Variants in ZIC5 observed in about 807,000 individuals in gnomAD.
The protein encoded by ZIC5 is Zic family zinc finger 5.
ZIC5 carries 20 observed loss-of-function variants against 28.5 expected under a neutral mutation model. The ratio of observed to expected loss-of-function variants is 0.70; its 90% CI spans 0.49 to 1.02. ZIC5 has a LOEUF of 1.02. ZIC5 is among the 50% of genes least tolerant of loss of function. The probability of loss-of-function intolerance (pLI) is 0.00; values close to 1 mark genes in which losing one functional copy is unlikely to be tolerated. For synonymous variants in ZIC5, 488 were observed against 410.4 expected, an observed-to-expected ratio of 1.19 and a Z score of -2.29; for missense variants, 951 against 899.7, an observed-to-expected ratio of 1.06 and a Z score of -0.73.
intron 1 of ZIC5, among the ~76,000 whole-genome samples, chr13:99,968,547 G>C (rs1387677951): frequency 2.6e-5 from 4 of 151,974 alleles, no homozygotes; most frequent in Non-Finnish European, 5.9e-5. Context: ...CGCAGCTCCC[G>C]GCAGCCGCCT....
In ZIC5 at chr13:99,963,448, G is replaced by A. The variant is rs1393953352; in HGVS notation, c.*1929C>T. The A allele has an allele frequency of 6.6e-6, 1 of 152,186 alleles. No homozygotes were observed. The highest frequency in any genetic ancestry group is 1.5e-5 in the Non-Finnish European group (1 of 67,950). The allele number at this position is 152,186 out of a possible 1,614,324, so 9.4% of individuals were successfully genotyped here. On this transcript the variant is annotated 3_prime_UTR_variant, in exon 2 of 2. Transcript: ENST00000267294. The stretch of plus-strand genomic sequence containing the variant: ...TAAGGTCTTTTTCTTTATAAAGGAG[G>A]GTCTGCATGTTTCATATTCATCACA...
chr13:99,970,450 A>G lies in ZIC5; in HGVS notation c.1154T>C (p.Leu385Pro), dbSNP rs1183250448. The G allele has an allele frequency of 1.8e-5, 19 of 1,039,088 alleles. No individual in the cohort carries two copies. The highest frequency in any genetic ancestry group is 7.1e-5 in the South Asian group (2 of 28,360). 64.4% of individuals were successfully genotyped at this position (1,039,088 alleles called of 1,614,324 possible). A position where few individuals can be genotyped will look rare whatever the true frequency, so the allele number is the denominator to read the frequency against. Residue 385 changes from leucine (L) to proline (P), a missense_variant, in exon 1 of 2, where the codon CTG becomes CCG. Leu to Pro is a moderately conservative substitution (Grantham distance 98). Around this residue, in one of 3 missense-constraint regions of ZIC5, gnomAD observed 784 missense variants for 660.1 expected, o/e 1.19. Coordinates refer to ENST00000267294, the MANE Select transcript of ZIC5 (RefSeq NM_033132.5). ...KWIDPDELAG[L>P]PPPPPPPPPP... ...CGGCGGCGGCGGCGGCGGCGGCGGC[A>G]GCCCGGCCAGCTCGTCGGGGTCGAT...
In ZIC5 at chr13:99,970,409, G is replaced by T. The variant is rs771701749; in HGVS notation, c.1195C>A (p.Pro399Thr). The T allele has an allele frequency of 3.3e-6, 4 of 1,207,616 alleles. No individual in the cohort carries two copies. In the East Asian group the frequency reaches 1.1e-4, roughly 34 times the overall value. 74.8% of individuals were successfully genotyped at this position (1,207,616 alleles called of 1,614,324 possible). ...PPPPPPPPPP[P>T]PAGGAKPCSK... is the part of the protein sequence containing the mutation. Reference sequence around the variant, plus strand: ...CAGGGCTTGGCGCCGCCGGCCGGGGGCGGTGGCGGCGGCGGCGGCGGCGGC... The same window carrying T: ...CAGGGCTTGGCGCCGCCGGCCGGGGTCGGTGGCGGCGGCGGCGGCGGCGGC... Residue 399 changes from proline to threonine, a missense_variant, in exon 1 of 2, where the codon CCC becomes ACC. Transcript: ENST00000267294.
chr13:99,970,463 C>T lies in ZIC5; in HGVS notation c.1141G>A (p.Glu381Lys), dbSNP rs199880269. 2.5e-3 allele frequency: 2,697 copies of T among 1,095,746 alleles called. 9 individuals carry two copies. The highest frequency in any genetic ancestry group is 4.1e-3 in the Middle Eastern group (10 of 2,446). The allele number at this position is 1,095,746 out of a possible 1,614,324, so 67.9% of individuals were successfully genotyped here. ...GGCGGCGGCGGCAGCCCGGCCAGCT[C>T]GTCGGGGTCGATCCACTTGCAGATG... The part of the protein sequence containing the change: ...ELICKWIDPD[E>K]LAGLPPPPPP... The change falls in exon 1 of 2, where the codon GAG (glutamate) becomes AAG (lysine). Residue 381 changes from glutamate to lysine, a missense_variant. Glu to Lys is a moderately conservative substitution (Grantham distance 56). Transcript: ENST00000267294.
rs375403333 is a variant in ZIC5, at chr13:99,971,516, T to A, written c.88A>T (p.Thr30Ser). ...TAQVQPLQNM[T>S]GFPALAGPPA... ...GGGCCGGCCAGCGCCGGGAAGCCTG[T>A]CATATTCTGAAGCGGCTGGACCTGA... Residue 30 changes from threonine to serine, a missense_variant, in exon 1 of 2, where the codon ACA (threonine) becomes TCA (serine). Thr to Ser is a moderately conservative substitution (Grantham distance 58). Coordinates refer to ENST00000267294, the MANE Select transcript of ZIC5 (RefSeq NM_033132.5). 15 of 1,551,664 alleles carry A rather than the reference T, an allele frequency of 9.7e-6. No homozygotes were observed. The highest frequency in any genetic ancestry group is 3.5e-6 in the Non-Finnish European group (4 of 1,147,126).
rs2053146000 is a variant in ZIC5, at chr13:99,970,607, G to A, written c.997C>T (p.Pro333Ser). 9.9e-7 allele frequency: 1 copy of A among 1,008,964 alleles called. No individual in the cohort carries two copies. Among genetic ancestry groups the A allele is most frequent in the Non-Finnish European group, 1.2e-6 (1 of 848,954 alleles). 62.5% of individuals were successfully genotyped at this position (1,008,964 alleles called of 1,614,324 possible). ...PGPHLQHHAP[P>S]PAPPPPPAPA... ...GCCGGCGGCGGCGGCGGCGCCGGGG[G>A]CGGCGCGTGGTGCTGCAGGTGGGGC... Residue 333 changes from proline (P) to serine (S), a missense_variant, in exon 1 of 2, where the codon CCC (proline) becomes TCC (serine). This residue lies in a region of ZIC5 where 784 missense variants were observed against 660.1 expected (regional missense o/e 1.19). Coordinates refer to ENST00000267294, the MANE Select transcript of ZIC5 (RefSeq NM_033132.5).
In ZIC5 at chr13:99,970,192, A is replaced by G; in HGVS notation, c.1412T>C (p.Phe471Ser). 1 of 1,611,592 alleles carries G rather than the reference A, an allele frequency of 6.2e-7. No individual in the cohort carries two copies. Residue 471 changes from phenylalanine (F) to serine (S), a missense_variant, in exon 1 of 2, where the codon TTC becomes TCC. Phe to Ser is a radical substitution (Grantham distance 155, BLOSUM62 -2). Around this residue, in one of 3 missense-constraint regions of ZIC5, gnomAD observed 59 missense variants for 121.2 expected, o/e 0.49. Coordinates refer to ENST00000267294, the MANE Select transcript of ZIC5 (RefSeq NM_033132.5). Reference protein sequence around the residue: ...HTGEKPFPCPFPGCGKVFARS... With the variant: ...HTGEKPFPCPSPGCGKVFARS... The stretch of plus-strand genomic sequence containing the variant: ...CGCGAAGACCTTGCCGCAGCCGGGG[A>G]AAGGGCAGGGAAAGGGCTTCTCGCC...
rs1350654207 is a variant in ZIC5 at position 99,963,460 on chromosome 13, T to A, written c.*1917A>T. The stretch of plus-strand genomic sequence containing the variant: ...CTTTATAAAGGAGGGTCTGCATGTT[T>A]CATATTCATCACAACAATCTGAAGA... On this transcript the variant is annotated 3_prime_UTR_variant, in exon 2 of 2. Coordinates refer to ENST00000267294, the MANE Select transcript of ZIC5 (RefSeq NM_033132.5). 6.6e-6 allele frequency: 1 copy of A among 152,562 alleles called. No homozygotes were observed. Among genetic ancestry groups the A allele is most frequent in the Non-Finnish European group, 1.5e-5 (1 of 68,018 alleles). The allele number at this position is 152,562 out of a possible 1,614,324, so 9.5% of individuals were successfully genotyped here.
rs2053156518 is a variant in ZIC5 at position 99,971,289 on chromosome 13, C to G, written c.315G>C (p.Ala105=). ...AAAARAAALV[A]HPGAGSYPCG... ...AGGGGTAGCTGCCCGCGCCGGGGTG[C>G]GCGACCAAGGCTGCAGCACGGGCGG... The change falls in exon 1 of 2, where the codon GCG becomes GCC. Residue 105 remains alanine (A), a synonymous_variant. Coordinates refer to ENST00000267294, the MANE Select transcript of ZIC5 (RefSeq NM_033132.5). 2 of 1,347,802 alleles carry G rather than the reference C, an allele frequency of 1.5e-6. No individual in the cohort carries two copies. The highest frequency in any genetic ancestry group is 1.5e-5 in the African/African-American group (1 of 64,820). 83.5% of individuals were successfully genotyped at this position (1,347,802 alleles called of 1,614,324 possible).
chr13:99,969,290 G>A (rs1175965245), intron 1 of ZIC5, among the ~76,000 whole-genome samples: 1 of 152,152 alleles, frequency 6.6e-6, no homozygotes, highest in African/African-American at 2.4e-5. Context: ...TGGGAGGCTC[G>A]GGTCCTCCTA....
intron 1 of ZIC5, among the ~76,000 whole-genome samples, chr13:99,968,758 G>A (rs1050213322): frequency 2.0e-5 from 3 of 152,188 alleles, no homozygotes. Context: ...AGAGCCTCCT[G>A]GGAAGTTTCT....
chr13:99,968,675 T>C (rs1005211064), intron 1 of ZIC5, among the ~76,000 whole-genome samples: 2 of 152,150 alleles, frequency 1.3e-5, no homozygotes, highest in Non-Finnish European at 2.9e-5. Context: ...TCACGGTCCC[T>C]GGATCCTGCC....
Position 99,964,222 on chromosome 13 carries a change from G to T in ZIC5, c.*1155C>A, listed in dbSNP as rs2053079260. The stretch of plus-strand genomic sequence containing the variant: ...TGGATTCCAGTTTGGTGTGCTCAGT[G>T]CTCAGGTGGAAGAAAATGCATTAAA... On this transcript the variant is annotated 3_prime_UTR_variant, in exon 2 of 2. Coordinates refer to ENST00000267294, the MANE Select transcript of ZIC5 (RefSeq NM_033132.5). 6.6e-6 allele frequency: 1 copy of T among 152,172 alleles called. No homozygotes were observed. The highest frequency in any genetic ancestry group is 1.5e-5 in the Non-Finnish European group (1 of 68,030). The allele number at this position is 152,172 out of a possible 1,614,324, so 9.4% of individuals were successfully genotyped here.
chr13:99,971,132 T>A lies in ZIC5; in HGVS notation c.472A>T (p.Asn158Tyr). ...CCGCTGCTGCCGCCGCCGCCACTGT[T>A]GGTGGTGGTGTAGCCCGAGAGGGCA... Reference protein sequence around the residue: ...PPALSGYTTTNSGGGGSSGKG... With the variant: ...PPALSGYTTTYSGGGGSSGKG... Residue 158 changes from asparagine (N) to tyrosine (Y), a missense_variant, in exon 1 of 2, where the codon AAC becomes TAC. Transcript: ENST00000267294. The A allele has an allele frequency of 8.0e-7, 1 of 1,252,174 alleles. No individual in the cohort carries two copies. Among genetic ancestry groups the A allele is most frequent in the Non-Finnish European group, 1.0e-6 (1 of 989,904 alleles). 77.6% of individuals were successfully genotyped at this position (1,252,174 alleles called of 1,614,324 possible). A position where few individuals can be genotyped will look rare whatever the true frequency, so the allele number is the denominator to read the frequency against.
Position 99,970,410 on chromosome 13 carries a change from C to T in ZIC5, c.1194G>A (p.Pro398=). Residue 398 remains proline (P), a synonymous_variant, in exon 1 of 2, where the codon CCG becomes CCA. Transcript: ENST00000267294. ...AGGGCTTGGCGCCGCCGGCCGGGGG[C>T]GGTGGCGGCGGCGGCGGCGGCGGCG... ...PPPPPPPPPP[P]PPAGGAKPCS... is the part of the protein sequence containing the mutation. 2 of 1,158,846 alleles carry T rather than the reference C, an allele frequency of 1.7e-6. No individual in the cohort carries two copies. Among genetic ancestry groups the T allele is most frequent in the Non-Finnish European group, 1.1e-6 (1 of 948,346 alleles). The allele number at this position is 1,158,846 out of a possible 1,614,324, so 71.8% of individuals were successfully genotyped here. A position where few individuals can be genotyped will look rare whatever the true frequency, so the allele number is the denominator to read the frequency against.
Position 99,970,270 on chromosome 13 carries a change from C to T in ZIC5, c.1334G>A (p.Gly445Asp), listed in dbSNP as rs775171549. Reference sequence around the variant, plus strand: ...CTTGTATTTGGCCTTGAAGGGCTTGCCCTCGCGCGGACAGTCCTCCCAGAA... The same window carrying T: ...CTTGTATTTGGCCTTGAAGGGCTTGTCCTCGCGCGGACAGTCCTCCCAGAA... ...VCFWEDCPRE[G>D]KPFKAKYKLI... Residue 445 changes from glycine to aspartate, a missense_variant, in exon 1 of 2, where the codon GGC (glycine) becomes GAC (aspartate). Gly to Asp is a moderately conservative substitution (Grantham distance 94). Around this residue, in one of 3 missense-constraint regions of ZIC5, gnomAD observed 784 missense variants for 660.1 expected, o/e 1.19. Transcript: ENST00000267294. The T allele has an allele frequency of 6.2e-7, 1 of 1,613,888 alleles. No homozygotes were observed. Among genetic ancestry groups the T allele is most frequent in the Non-Finnish European group, 8.5e-7 (1 of 1,179,884 alleles).
chr13:99,965,418 C>T lies in ZIC5; in HGVS notation c.1879G>A (p.Glu627Lys). 6.2e-7 allele frequency: 1 copy of T among 1,614,018 alleles called. No individual in the cohort carries two copies. Reference sequence around the variant, plus strand: ...ACAACTTCAGGGTTCCCGTAAATTTCCTCATCTTCAGTCTCAGAGGTGGTT... The same window carrying T: ...ACAACTTCAGGGTTCCCGTAAATTTTCTCATCTTCAGTCTCAGAGGTGGTT... ...NGTTSETEDE[E>K]IYGNPEVVRT... Residue 627 changes from glutamate to lysine, a missense_variant, in exon 2 of 2, where the codon GAA (glutamate) becomes AAA (lysine). Physicochemically the swap from Glu to Lys is moderately conservative, Grantham distance 56. Around this residue, in one of 3 missense-constraint regions of ZIC5, gnomAD observed 108 missense variants for 118.4 expected, o/e 0.91. Transcript: ENST00000267294.
At position 99,971,721 on chromosome 13, in the gene ZIC5, C is replaced by T. The variant is rs2053163028; in HGVS notation, c.-118G>A. 1.9e-6 allele frequency: 3 copies of T among 1,548,840 alleles called. No homozygotes were observed. Among genetic ancestry groups the T allele is most frequent in the Non-Finnish European group, 2.6e-6 (3 of 1,145,496 alleles). On this transcript the variant is annotated 5_prime_UTR_variant, in exon 1 of 2. Coordinates refer to ENST00000267294, the MANE Select transcript of ZIC5 (RefSeq NM_033132.5). ...AACTTCTTTTGTCCTGGCCTCTTAA[C>T]TCTGCTTATTCCTGTTCCCACTCTA...
At chr13:99,968,747 G>C (rs541302477) in intron 1 of ZIC5, among the ~76,000 whole-genome samples, 2 of 152,206 alleles carry the variant, frequency 1.3e-5, no homozygotes, top group African/African-American at 4.8e-5. Context: ...GCGTTTTTAC[G>C]AGAGCCTCCT....
Sources: gnomAD v4.1 joint callset for allele counts (sites outside exome capture counted in the v4.1 genomes callset) on GRCh38, gnomAD v4.1.1 for gene constraint, gnomAD v4.1.1 regional missense constraint, MANE v1.5 for transcripts, NCBI Gene and HGNC (gene_info 2026-07-23, HGNC 2026-07-21) for gene names.